The following ZMAT4 variants were observed in gnomAD, a reference collection of about 807,000 sequenced individuals.
The protein encoded by ZMAT4 is zinc finger matrin-type 4, also known as zinc finger matrin-type protein 4.
ZMAT4 carries 17 observed loss-of-function variants against 28.7 expected under a neutral mutation model. That is an observed-to-expected ratio of 0.59 (90% confidence interval 0.41 to 0.89). The LOEUF is 0.89. Ranked by LOEUF, ZMAT4 falls within the 40% of genes least tolerant of loss-of-function variation. ZMAT4 has a pLI of 0.00. For synonymous variants in ZMAT4, 117 were observed against 109.2 expected, an observed-to-expected ratio of 1.07 and a Z score of -0.44; for missense variants, 240 against 283.8, an observed-to-expected ratio of 0.85 and a Z score of 1.11.
intron 2 of ZMAT4, among the ~76,000 whole-genome samples, chr8:40,787,101 T>C (rs943589093): frequency 6.6e-6 from 1 of 152,240 alleles, no homozygotes; most frequent in Non-Finnish European, 1.5e-5. Flanking sequence ...CAATCAATTT[T>C]AACACTCCGT....
intron 3 of ZMAT4, among the ~76,000 whole-genome samples, chr8:40,714,100 CTT>C (rs1810747821): frequency 6.6e-6 from 1 of 151,890 alleles, no homozygotes; most frequent in African/African-American, 2.4e-5. Flanking sequence ...AAAATAATGT[CTT>C]ATTGTCAAAG....
At chr8:40,563,826 C>A (rs899685459) in intron 6 of ZMAT4, among the ~76,000 whole-genome samples, 6 of 152,098 alleles carry the variant, frequency 3.9e-5, no homozygotes, top group East Asian at 1.9e-4. Context: ...TGTTCCTTGA[C>A]TCTGAAAACT....
In ZMAT4 at chr8:40,675,020, T is replaced by TGTTCA. The variant is rs1808852044; in HGVS notation, c.350-94_350-90dup. On this transcript the variant is annotated intron_variant, in intron 4 of 6. Transcript: ENST00000297737. The stretch of plus-strand genomic sequence containing the variant: ...CAATACCCGAAGACCAAAAGTCTCC[T>TGTTCA]GTTCACTCTAGAGCTTAAACATCCC... 3.0e-6 allele frequency: 3 copies of TGTTCA among 1,007,414 alleles called. No individual in the cohort carries two copies. The African/African-American group carries it at 4.8e-5, about 16-fold the overall frequency. The allele number at this position is 1,007,414 out of a possible 1,614,324, so 62.4% of individuals were successfully genotyped here. A position where few individuals can be genotyped will look rare whatever the true frequency, so the allele number is the denominator to read the frequency against.
chr8:40,808,631 C>T (rs933155305), intron 2 of ZMAT4: 42 of 451,332 alleles, frequency 9.3e-5, no homozygotes, highest in African/African-American at 7.9e-4. Flanking sequence ...TGTGAGCTCC[C>T]GTTACATGGT....
At chr8:40,622,877 A>G (rs58517501) in intron 5 of ZMAT4, among the ~76,000 whole-genome samples, 2,148 of 152,286 alleles carry the variant, frequency 0.014, 50 homozygotes, top group African/African-American at 0.049. Context: ...ACCAGGTCCA[A>G]CCTCCAACAC....
chr8:40,860,179 G>A (rs1817440174), intron 1 of ZMAT4, among the ~76,000 whole-genome samples: 1 of 152,138 alleles, frequency 6.6e-6, no homozygotes, highest in South Asian at 2.1e-4. Context: ...ACAAAAGGCT[G>A]TTTTGTAGAT....
chr8:40,757,861 G>A (rs1453847060), intron 3 of ZMAT4, among the ~76,000 whole-genome samples: 1 of 152,056 alleles, frequency 6.6e-6, no homozygotes, highest in Non-Finnish European at 1.5e-5. Flanking sequence ...CAGTCTGGGT[G>A]GGCACCATCT....
At chr8:40,601,814 C>A (rs1264182730) in intron 5 of ZMAT4, among the ~76,000 whole-genome samples, 1 of 152,098 alleles carries the variant, frequency 6.6e-6, no homozygotes, top group South Asian at 2.1e-4. Context: ...CCTCTTACAT[C>A]GTCAATGCTT....
At chr8:40,593,613 C>A (rs551245488) in intron 5 of ZMAT4, among the ~76,000 whole-genome samples, 1 of 152,330 alleles carries the variant, frequency 6.6e-6, no homozygotes, top group African/African-American at 2.4e-5. Flanking sequence ...CACTTTAGAG[C>A]TTTACCTGCC....
intron 5 of ZMAT4, among the ~76,000 whole-genome samples, chr8:40,619,206 G>T (rs1377963416): frequency 1.3e-5 from 2 of 152,140 alleles, no homozygotes; most frequent in Non-Finnish European, 2.9e-5. Context: ...AACGTTGGTG[G>T]CCACAATGCT....
At chr8:40,562,563 G>T (rs1184735983) in intron 6 of ZMAT4, among the ~76,000 whole-genome samples, 1 of 151,938 alleles carries the variant, frequency 6.6e-6, no homozygotes, top group African/African-American at 2.4e-5. Context: ...ATCCTCCTGG[G>T]TGCTGTCATC....
At chr8:40,580,427 T>C (rs1156465384) in intron 6 of ZMAT4, among the ~76,000 whole-genome samples, 1 of 152,210 alleles carries the variant, frequency 6.6e-6, no homozygotes, top group Non-Finnish European at 1.5e-5. Context: ...GTCCAATATG[T>C]TAAATGATCC....
chr8:40,589,818 T>TTTC (rs1804814174), intron 5 of ZMAT4, among the ~76,000 whole-genome samples: 1 of 150,960 alleles, frequency 6.6e-6, no homozygotes, highest in Non-Finnish European at 1.5e-5. Flanking sequence ...CCTTTCTTTT[T>TTTC]TATTTCCTTC....
intron 4 of ZMAT4, among the ~76,000 whole-genome samples, chr8:40,692,063 T>G (rs1190166948): frequency 6.6e-6 from 1 of 152,196 alleles, no homozygotes; most frequent in Non-Finnish European, 1.5e-5. Flanking sequence ...TATAGACACT[T>G]AACTGCCTAT....
rs552237225 is a variant in ZMAT4 at position 40,801,568 on chromosome 8, G to A, written c.102+24007C>T. 9.2e-5 allele frequency among the ~76,000 whole-genome samples: 14 copies of A among 151,794 alleles called. No individual in the cohort carries two copies. In the South Asian group the frequency reaches 2.7e-3, roughly 29 times the overall value. On this transcript the variant is annotated intron_variant, in intron 2 of 6. Coordinates refer to ENST00000297737, the MANE Select transcript of ZMAT4 (RefSeq NM_024645.3). Reference sequence around the variant, plus strand: ...ACCTGTAATCCCAGCTACTCAGGAGGCTGAGGAAGGAGAATCACTTGAATC... The same window carrying A: ...ACCTGTAATCCCAGCTACTCAGGAGACTGAGGAAGGAGAATCACTTGAATC...
chr8:40,592,365 A>G (rs904246899), intron 5 of ZMAT4, among the ~76,000 whole-genome samples: 2 of 152,202 alleles, frequency 1.3e-5, no homozygotes, highest in Admixed American at 1.3e-4. Flanking sequence ...AGCCTGTATT[A>G]CTCTATTACT....
chr8:40,854,349 T>G (rs1817221066), intron 1 of ZMAT4, among the ~76,000 whole-genome samples: 1 of 152,200 alleles, frequency 6.6e-6, no homozygotes, highest in Non-Finnish European at 1.5e-5. Flanking sequence ...TTGAAATTCC[T>G]ATAGAGAGTG....
intron 1 of ZMAT4, among the ~76,000 whole-genome samples, chr8:40,855,508 T>C (rs973552325): frequency 6.6e-6 from 1 of 152,098 alleles, no homozygotes; most frequent in African/African-American, 2.4e-5. Flanking sequence ...AGGTAGCCAA[T>C]GCCCCTGGAT....
chr8:40,797,162 C>G (rs1055840181), intron 2 of ZMAT4, among the ~76,000 whole-genome samples: 18 of 152,184 alleles, frequency 1.2e-4, no homozygotes, highest in African/African-American at 4.1e-4. Context: ...CTCTGCAGAT[C>G]CCACCTCCCA....
Sources: allele counts gnomAD v4.1 joint callset (sites outside exome capture counted in the v4.1 genomes callset), GRCh38; gene constraint gnomAD v4.1.1; transcripts MANE v1.5; gene names NCBI Gene and HGNC (gene_info 2026-07-23, HGNC 2026-07-21).